PPP2R5E: variants seen among roughly 807,000 people sequenced by gnomAD.
The protein encoded by PPP2R5E is serine/threonine-protein phosphatase 2A 56 kDa regulatory subunit epsilon isoform.
Under a neutral mutation model 65.3 loss-of-function variants are expected in PPP2R5E, and 4 were observed. That is an observed-to-expected ratio of 0.06 (90% CI 0.03 to 0.14). PPP2R5E has a LOEUF of 0.14. PPP2R5E is among the 10% of genes least tolerant of loss of function. PPP2R5E has a pLI of 1.00. For missense variants in PPP2R5E, 274 were observed against 556.1 expected (o/e 0.49, Z 5.10); for synonymous variants, 183 against 187.4 (o/e 0.98, Z 0.19).
intron 2 of PPP2R5E, among the ~76,000 whole-genome samples, chr14:63,472,658 T>C (rs768669122): frequency 6.6e-6 from 1 of 152,124 alleles, no homozygotes; most frequent in Admixed American, 6.6e-5. Context: ...GAACAAGGAA[T>C]AAACAAAGGA....
At chr14:63,431,476 CAT>C (rs1352547004) in intron 3 of PPP2R5E, among the ~76,000 whole-genome samples, 2 of 152,184 alleles carry the variant, frequency 1.3e-5, no homozygotes, top group African/African-American at 4.8e-5. Context: ...ATTTGAGTTA[CAT>C]ATGATTCCTT....
In PPP2R5E at chr14:63,453,982, T is replaced by G. The variant is rs539270391; in HGVS notation, c.158-97A>C. On this transcript the variant is annotated intron_variant, in intron 2 of 13. Transcript: ENST00000337537. ...ACTTCAAAGGCAAGCTAAAAAAAAA[T>G]AAGAATTCACATGACAACAGTGTTC... 3.2e-5 allele frequency: 31 copies of G among 967,974 alleles called. No homozygotes were observed. The East Asian group carries it at 8.3e-4, about 26-fold the overall frequency. 60.0% of individuals were successfully genotyped at this position (967,974 alleles called of 1,614,324 possible).
chr14:63,439,781 G>C (rs1379599550), intron 3 of PPP2R5E, among the ~76,000 whole-genome samples: 1 of 152,234 alleles, frequency 6.6e-6, no homozygotes, highest in Non-Finnish European at 1.5e-5. Flanking sequence ...CCATCATGGA[G>C]ATGGAGGGAT....
rs35587312 is a variant in PPP2R5E, at chr14:63,374,634, GATATATATATATAT to G, written c.*1361_*1374del. The G allele has an allele frequency of 8.2e-5, 9 of 109,576 alleles. No homozygotes were observed. The highest frequency in any genetic ancestry group is 2.4e-4 in the African/African-American group (5 of 20,676). The allele number at this position is 109,576 out of a possible 1,614,324, so 6.8% of individuals were successfully genotyped here. ...TAAATACAAAGCAGAGAGCCAATAA[GATATATATATATAT>G]ATATATATATATATATATATAAAAT... On this transcript the variant is annotated 3_prime_UTR_variant, in exon 14 of 14. Coordinates refer to ENST00000337537, the MANE Select transcript of PPP2R5E (RefSeq NM_006246.5).
intron 2 of PPP2R5E, among the ~76,000 whole-genome samples, chr14:63,530,630 CTTT>C (rs954359159): frequency 5.8e-3 from 469 of 81,258 alleles, no homozygotes; most frequent in African/African-American, 0.022. Flanking sequence ...CTCTCAATTT[CTTT>C]TTTTTTTTTT....
In PPP2R5E at chr14:63,415,935, A is replaced by G. The variant is rs919775550; in HGVS notation, c.457-703T>C. On this transcript the variant is annotated intron_variant, in intron 4 of 13. Transcript: ENST00000337537. Reference sequence around the variant, plus strand: ...TTGCTAGATCACAAGATATCCAAACATTCAGAATTTTTGATACTCACTGAC... The same window carrying G: ...TTGCTAGATCACAAGATATCCAAACGTTCAGAATTTTTGATACTCACTGAC... 1.4e-4 allele frequency among the ~76,000 whole-genome samples: 21 copies of G among 152,324 alleles called. 1 individual carries two copies. The highest frequency in any genetic ancestry group is 5.1e-4 in the African/African-American group (21 of 41,576).
chr14:63,389,419 A>T (rs1884877188), intron 11 of PPP2R5E, among the ~76,000 whole-genome samples, 193 bp downstream of exon 11: 1 of 152,128 alleles, frequency 6.6e-6, no homozygotes, highest in African/African-American at 2.4e-5. Context: ...AAGTTACTGG[A>T]GAGAAAGCAC....
chr14:63,400,633 C>A (rs1305830218), intron 5 of PPP2R5E, among the ~76,000 whole-genome samples: 1 of 123,612 alleles, frequency 8.1e-6, no homozygotes, highest in East Asian at 2.7e-4. Context: ...AGGTAATGGG[C>A]AAGTTAATAC....
intron 2 of PPP2R5E, among the ~76,000 whole-genome samples, chr14:63,474,787 A>T (rs1360246876): frequency 2.0e-5 from 3 of 152,128 alleles, no homozygotes. Context: ...TATAAATGGT[A>T]ATATATAAGT....
intron 2 of PPP2R5E, among the ~76,000 whole-genome samples, chr14:63,483,946 G>C (rs1890841778): frequency 6.6e-6 from 1 of 152,010 alleles, no homozygotes; most frequent in Admixed American, 6.6e-5. Context: ...AGACGGGACT[G>C]GTGGCGCGCG....
Position 63,376,117 on chromosome 14 carries a change from G to C in PPP2R5E, c.1305-9C>G. 1.3e-6 allele frequency: 2 copies of C among 1,551,880 alleles called. No homozygotes were observed. Among genetic ancestry groups the C allele is most frequent in the Non-Finnish European group, 1.8e-6 (2 of 1,124,538 alleles). On this transcript the variant is annotated splice_polypyrimidine_tract_variant and intron_variant, in intron 13 of 13. Coordinates refer to ENST00000337537, the MANE Select transcript of PPP2R5E (RefSeq NM_006246.5). ...TTTCTTTCTTTTTCTCACTGAGGAA[G>C]AAACAGAATACAATGTAAACAGCTG...
intron 2 of PPP2R5E, among the ~76,000 whole-genome samples, chr14:63,497,732 A>G (rs1278564799): frequency 6.6e-6 from 1 of 151,756 alleles, no homozygotes; most frequent in African/African-American, 2.4e-5. Flanking sequence ...TGGGCGACAG[A>G]GGGAGACTCC....
chr14:63,478,641 T>C (rs1279110467), intron 2 of PPP2R5E, among the ~76,000 whole-genome samples: 4 of 152,038 alleles, frequency 2.6e-5, no homozygotes, highest in Non-Finnish European at 1.5e-5. Context: ...ATAAAATTAG[T>C]TTTGACCTCA....
chr14:63,451,098 TCTTATAAAACTA>T (rs1487192367), intron 3 of PPP2R5E, among the ~76,000 whole-genome samples: 2 of 152,146 alleles, frequency 1.3e-5, no homozygotes, highest in African/African-American at 4.8e-5. Context: ...TTTGGCAGTT[TCTTATAAAACTA>T]AACATACTCG....
At chr14:63,445,698 T>C (rs1888440916) in intron 3 of PPP2R5E, among the ~76,000 whole-genome samples, 1 of 151,944 alleles carries the variant, frequency 6.6e-6, no homozygotes, top group Admixed American at 6.6e-5. Flanking sequence ...AAAAATTAGC[T>C]AAGCGTGGTG....
intron 2 of PPP2R5E, among the ~76,000 whole-genome samples, chr14:63,522,874 C>T (rs1311509362): frequency 1.4e-4 from 21 of 150,440 alleles, no homozygotes; most frequent in African/African-American, 5.1e-4. Flanking sequence ...GGGTCAGCCC[C>T]CCGCCCGGCC....
chr14:63,491,304 C>A (rs910961997), intron 2 of PPP2R5E, among the ~76,000 whole-genome samples: 1 of 151,924 alleles, frequency 6.6e-6, no homozygotes, highest in Non-Finnish European at 1.5e-5. Context: ...AAGTTCAATT[C>A]GAAACCAAAC....
At chr14:63,383,779 T>G (rs1187493208) in intron 12 of PPP2R5E, among the ~76,000 whole-genome samples, 1 of 152,156 alleles carries the variant, frequency 6.6e-6, no homozygotes, top group Non-Finnish European at 1.5e-5. Flanking sequence ...GGGCTGGATG[T>G]TAAACTTCCC....
intron 2 of PPP2R5E, among the ~76,000 whole-genome samples, chr14:63,484,956 A>G (rs906369363): frequency 6.6e-6 from 1 of 152,224 alleles, no homozygotes; most frequent in African/African-American, 2.4e-5. Context: ...GTATTAAGGA[A>G]CAATGCAACA....
Sources: gnomAD v4.1 joint callset for allele counts (sites outside exome capture counted in the v4.1 genomes callset) on GRCh38, gnomAD v4.1.1 for gene constraint, MANE v1.5 for transcripts, NCBI Gene and HGNC (gene_info 2026-07-23, HGNC 2026-07-21) for gene names.